The following SLC9C1 variants were observed in gnomAD, a reference collection of about 807,000 sequenced individuals.
SLC9C1 encodes the protein sodium/hydrogen exchanger 10.
SLC9C1 carries 97 observed loss-of-function variants against 140.9 expected under a neutral mutation model. The ratio of observed to expected loss-of-function variants is 0.69; its 90% CI spans 0.58 to 0.82. SLC9C1 has a LOEUF of 0.82. SLC9C1 is among the 40% of genes least tolerant of loss of function. The pLI, the probability that SLC9C1 is intolerant of heterozygous loss-of-function variation, is 0.00. For missense variants in SLC9C1, 1,340 were observed against 1,389.3 expected, an observed-to-expected ratio of 0.96 and a Z score of 0.56; for synonymous variants, 440 against 442.6, an observed-to-expected ratio of 0.99 and a Z score of 0.07.
chr3:112,154,198 T>C (rs1350116583), intron 27 of SLC9C1, among the ~76,000 whole-genome samples: 1 of 152,226 alleles, frequency 6.6e-6, no homozygotes, highest in Non-Finnish European at 1.5e-5. Flanking sequence ...TGTGTATTCA[T>C]AGCAGACATT....
At position 112,180,600 on chromosome 3, in the gene SLC9C1, G is replaced by C. The variant is rs761854486; in HGVS notation, c.2712C>G (p.Pro904=). The change falls in exon 22 of 29, where the codon CCC becomes CCG. Residue 904 remains proline (P), a synonymous_variant. Transcript: ENST00000305815. ...CTGAAATAATGATATAGATTCCTTT[G>C]GGCTCATCACCTTCTTCAAATATAT... ...GNDIFEEGDE[P]KGIYIIISGM... is the part of the protein sequence containing the mutation. The C allele has an allele frequency of 1.9e-6, 3 of 1,612,992 alleles. No individual in the cohort carries two copies. The highest frequency in any genetic ancestry group is 2.2e-5 in the East Asian group (1 of 44,834).
At chr3:112,267,312 C>T (rs1165644638) in intron 7 of SLC9C1, among the ~76,000 whole-genome samples, 3 of 151,718 alleles carry the variant, frequency 2.0e-5, no homozygotes, top group Admixed American at 1.3e-4. Flanking sequence ...CGTGGTGGCT[C>T]ACGCCTGTAA....
intron 28 of SLC9C1, among the ~76,000 whole-genome samples, chr3:112,141,490 A>T (rs2107828065): frequency 6.6e-6 from 1 of 152,194 alleles, no homozygotes. Flanking sequence ...GATTTAACCT[A>T]GGAGTCAGAG....
At chr3:112,278,669 T>C in intron 4 of SLC9C1, 60 bp downstream of exon 4, 1 of 1,508,796 alleles carries the variant, frequency 6.6e-7, no homozygotes, top group Non-Finnish European at 8.8e-7. Context: ...ATTTTAAAAA[T>C]TTGAACATAG....
At chr3:112,253,685 A>G (rs1119338) in intron 10 of SLC9C1, among the ~76,000 whole-genome samples, 44,927 of 152,126 alleles carry the variant, frequency 0.3, 6,822 homozygotes, top group East Asian at 0.36. Flanking sequence ...GAAAGAACCA[A>G]TGCAAGAACT....
At chr3:112,189,724 T>G (rs2077612806) in intron 20 of SLC9C1, among the ~76,000 whole-genome samples, 1 of 152,232 alleles carries the variant, frequency 6.6e-6, no homozygotes, top group African/African-American at 2.4e-5. Context: ...GGGCTCTTTT[T>G]TGGTTCCATA....
In SLC9C1 at chr3:112,286,777, A is replaced by G. The variant is rs962035461; in HGVS notation, c.15T>C (p.Phe5=). 1.9e-6 allele frequency: 3 copies of G among 1,612,002 alleles called. No individual in the cohort carries two copies. The highest frequency in any genetic ancestry group is 2.7e-5 in the African/African-American group (2 of 74,942). Residue 5 remains phenylalanine, a synonymous_variant, in exon 2 of 29, where the codon TTT becomes TTC. Transcript: ENST00000305815. The part of the protein sequence containing the change: MAGI[F]KEFFFSTEDL... ...CCTCAGTACTGAAAAAAAACTCCTT[A>G]AATATTCCAGCCATGTTTCAGAAAA...
At chr3:112,198,735 G>A (rs913511356) in intron 20 of SLC9C1, among the ~76,000 whole-genome samples, 1 of 151,610 alleles carries the variant, frequency 6.6e-6, no homozygotes, top group Non-Finnish European at 1.5e-5. Flanking sequence ...TATATTACAC[G>A]TTTAATATGC....
chr3:112,222,857 A>T (rs2078579355), intron 13 of SLC9C1, among the ~76,000 whole-genome samples: 2 of 152,182 alleles, frequency 1.3e-5, no homozygotes, highest in African/African-American at 4.8e-5. Flanking sequence ...ATATTAATTT[A>T]TTAATTGCAT....
chr3:112,160,464 C>T (rs1193440287), intron 26 of SLC9C1, among the ~76,000 whole-genome samples: 1 of 145,194 alleles, frequency 6.9e-6, no homozygotes, highest in African/African-American at 2.6e-5. Context: ...GTTCCCCTTC[C>T]TGTGTCCATG....
chr3:112,267,821 T>C (rs927356695), intron 7 of SLC9C1, among the ~76,000 whole-genome samples: 1 of 152,118 alleles, frequency 6.6e-6, no homozygotes, highest in African/African-American at 2.4e-5. Flanking sequence ...GAAGAAATCA[T>C]GGACATAGGT....
At chr3:112,236,735 T>A (rs1312455242) in intron 12 of SLC9C1, among the ~76,000 whole-genome samples, 1 of 152,228 alleles carries the variant, frequency 6.6e-6, no homozygotes, top group African/African-American at 2.4e-5. Flanking sequence ...TACCCAGTAG[T>A]CATTCAGGAG....
At chr3:112,169,170 A>G (rs761288932) in intron 24 of SLC9C1, 27 bp downstream of exon 24, 4 of 1,601,768 alleles carry the variant, frequency 2.5e-6, no homozygotes, top group Non-Finnish European at 3.4e-6. Context: ...AAAGAAAGAA[A>G]GACAAGTTTA....
At chr3:112,226,004 C>G (rs568222694) in intron 13 of SLC9C1, among the ~76,000 whole-genome samples, 1 of 151,714 alleles carries the variant, frequency 6.6e-6, no homozygotes, top group South Asian at 2.1e-4. Flanking sequence ...ATTGGAAGGA[C>G]TATCTACACA....
intron 12 of SLC9C1, among the ~76,000 whole-genome samples, chr3:112,236,577 A>G (rs1228550997): frequency 1.5e-5 from 2 of 137,786 alleles, no homozygotes; most frequent in African/African-American, 5.5e-5. Context: ...TCAATTTTAG[A>G]TCTTTCCTGC....
At chr3:112,244,285 G>C (rs1015966010) in intron 10 of SLC9C1, among the ~76,000 whole-genome samples, 1 of 152,108 alleles carries the variant, frequency 6.6e-6, no homozygotes, top group African/African-American at 2.4e-5. Context: ...TCCATGTTTT[G>C]TTACCAAACC....
chr3:112,177,628 T>A (rs2077363926), intron 23 of SLC9C1, among the ~76,000 whole-genome samples: 1 of 148,584 alleles, frequency 6.7e-6, no homozygotes. Flanking sequence ...GAGTTTCTCA[T>A]CTCTTAGTTT....
intron 20 of SLC9C1, among the ~76,000 whole-genome samples, chr3:112,192,954 CTT>C (rs1448820660): frequency 6.6e-6 from 1 of 152,050 alleles, no homozygotes; most frequent in Non-Finnish European, 1.5e-5. Context: ...ACAATTGCCT[CTT>C]TGAATTTTAT....
chr3:112,269,584 A>G (rs1365215315), intron 7 of SLC9C1, among the ~76,000 whole-genome samples: 2 of 152,172 alleles, frequency 1.3e-5, no homozygotes, highest in East Asian at 3.8e-4. Context: ...AACCAACCTT[A>G]TAAGATATTT....
Sources: gnomAD v4.1 joint callset for allele counts (sites outside exome capture counted in the v4.1 genomes callset) on GRCh38, gnomAD v4.1.1 for gene constraint, MANE v1.5 for transcripts, NCBI Gene and HGNC (gene_info 2026-07-23, HGNC 2026-07-21) for gene names.